The following SAMD12 variants were observed in gnomAD, a reference collection of about 807,000 sequenced individuals.
SAMD12 encodes sterile alpha motif domain containing 12, also known as sterile alpha motif domain-containing protein 12.
SAMD12 carries 9 observed loss-of-function variants against 15.0 expected under a neutral mutation model. The observed-to-expected ratio is 0.60, with a 90% CI of 0.36 to 1.05. The LOEUF (loss-of-function observed/expected upper bound fraction) is 1.05, where lower values mean the gene tolerates loss of function less well. SAMD12 is among the 50% of genes least tolerant of loss of function. The pLI is 0.01. For synonymous variants in SAMD12, 86 were observed against 90.1 expected (o/e 0.96, Z 0.25); for missense variants, 230 against 234.2 (o/e 0.98, Z 0.12).
At chr8:118,327,261 C>A (rs1033899942) in intron 4 of SAMD12, among the ~76,000 whole-genome samples, 3 of 152,226 alleles carry the variant, frequency 2.0e-5, no homozygotes, top group African/African-American at 7.2e-5. Context: ...CTCCTGGCTT[C>A]TTTCTTGCTT....
chr8:118,166,162 G>A, the SAMD12 span, among the ~76,000 whole-genome samples: 2 of 152,142 alleles, frequency 1.3e-5, no homozygotes, highest in African/African-American at 2.4e-5. Flanking sequence ...GACTATTGCT[G>A]TAGCTTCACT....
chr8:118,592,371 G>A (rs1354904598), intron 1 of SAMD12, among the ~76,000 whole-genome samples: 1 of 152,080 alleles, frequency 6.6e-6, no homozygotes, highest in Non-Finnish European at 1.5e-5. Flanking sequence ...GTTACTCTGG[G>A]GAATAAGATT....
rs542185571 is a variant in SAMD12 at position 118,584,300 on chromosome 8, T to C, written c.14-3407A>G. ...CCTGAAATTTCATGTCCCTAATATT[T>C]ACAAATCAAACAACTCTCCAATGGC... On this transcript the variant is annotated intron_variant, in intron 1 of 3. Coordinates refer to ENST00000314727, the MANE Select transcript of SAMD12 (RefSeq NM_207506.3). Among the ~76,000 whole-genome samples, 44 of 152,314 alleles carry C rather than the reference T, an allele frequency of 2.9e-4. No homozygotes were observed. In the South Asian group the frequency reaches 7.9e-3, roughly 27 times the overall value.
chr8:118,426,556 G>T (rs980419003), intron 3 of SAMD12, among the ~76,000 whole-genome samples: 2 of 152,290 alleles, frequency 1.3e-5, no homozygotes, highest in African/African-American at 4.8e-5. Context: ...CTAAAGCAAG[G>T]CTGCTCCCAT....
intron 4 of SAMD12, among the ~76,000 whole-genome samples, chr8:118,339,716 G>A (rs567826669): frequency 2.0e-5 from 3 of 152,306 alleles, no homozygotes; most frequent in East Asian, 1.9e-4. Context: ...CTGCAGCTGC[G>A]ATGGGTCAGT....
intron 2 of SAMD12, among the ~76,000 whole-genome samples, chr8:118,486,358 G>C (rs2131002976): frequency 6.6e-6 from 1 of 152,072 alleles, no homozygotes; most frequent in East Asian, 1.9e-4. Context: ...AGAGCTTGCA[G>C]TGAGCCGAGA....
intron 1 of SAMD12, among the ~76,000 whole-genome samples, chr8:118,581,304 T>C (rs1008644161): frequency 3.3e-5 from 5 of 152,214 alleles, no homozygotes; most frequent in African/African-American, 1.2e-4. Context: ...ACCTTCTTTA[T>C]TATTTAGGCA....
At chr8:118,537,644 C>A (rs1312174087) in intron 2 of SAMD12, among the ~76,000 whole-genome samples, 1 of 152,228 alleles carries the variant, frequency 6.6e-6, no homozygotes, top group South Asian at 2.1e-4. Context: ...TTATTTCAAT[C>A]TCTTTATTAA....
intron 2 of SAMD12, among the ~76,000 whole-genome samples, chr8:118,497,782 C>CT (rs35666551): frequency 3.4e-5 from 5 of 148,246 alleles, no homozygotes; most frequent in Non-Finnish European, 5.9e-5. Flanking sequence ...CATTTATTTA[C>CT]TTTTTTTAAA....
chr8:118,322,418 G>T (rs906820619), intron 4 of SAMD12, among the ~76,000 whole-genome samples: 9 of 152,218 alleles, frequency 5.9e-5, no homozygotes, highest in Admixed American at 1.3e-4. Context: ...TTATAAGGGA[G>T]ATCCCTGGCT....
intron 4 of SAMD12, among the ~76,000 whole-genome samples, chr8:118,249,616 A>G (rs1343558294): frequency 6.6e-6 from 1 of 152,134 alleles, no homozygotes; most frequent in East Asian, 1.9e-4. Context: ...ACCCTATACA[A>G]TAGTATCTTC....
intron 3 of SAMD12, among the ~76,000 whole-genome samples, chr8:118,398,574 G>T (rs1357620763): frequency 2.0e-5 from 3 of 152,124 alleles, no homozygotes; most frequent in African/African-American, 7.2e-5. Flanking sequence ...GAAAGAAAGA[G>T]AATCTTTCCT....
At chr8:118,309,380 A>G (rs866720361) in intron 4 of SAMD12, among the ~76,000 whole-genome samples, 330 of 143,970 alleles carry the variant, frequency 2.3e-3, no homozygotes, top group African/African-American at 4.1e-3. Context: ...TGAGATATAT[A>G]TGTGTGTGTG....
chr8:118,196,502 A>T (rs915149245), exon 5 of SAMD12: 5 of 144,088 alleles, frequency 3.5e-5, no homozygotes, highest in African/African-American at 1.3e-4. Flanking sequence ...AGACATAGTT[A>T]AAAAAAAAAA....
At chr8:118,305,445 ATAG>A (rs1815290753) in intron 4 of SAMD12, among the ~76,000 whole-genome samples, 1 of 152,154 alleles carries the variant, frequency 6.6e-6, no homozygotes, top group African/African-American at 2.4e-5. Flanking sequence ...TCTCTCTGTT[ATAG>A]CATGAATCAG....
chr8:118,415,448 G>GGTGTGTGTGTGT (rs58176749), intron 3 of SAMD12, among the ~76,000 whole-genome samples: 1,525 of 142,918 alleles, frequency 0.011, 32 homozygotes, highest in East Asian at 0.038. Context: ...CTTGTCCTAA[G>GGTGTGTGTGTGT]GTGTGTGTGT....
chr8:118,239,986 T>C (rs916458549), intron 4 of SAMD12: 1 of 152,164 alleles, frequency 6.6e-6, no homozygotes, highest in Non-Finnish European at 1.5e-5. Flanking sequence ...CTAGGCAAGA[T>C]GGCAATAAAT....
intron 1 of SAMD12, chr8:118,621,468 C>A: frequency 5.2e-6 from 2 of 382,602 alleles, no homozygotes; most frequent in South Asian, 8.3e-5. Context: ...AGGGAGGGGG[C>A]AGGGAAAAAG....
intron 4 of SAMD12, among the ~76,000 whole-genome samples, chr8:118,250,396 A>C (rs563061846): frequency 6.6e-6 from 1 of 152,156 alleles, no homozygotes; most frequent in Non-Finnish European, 1.5e-5. Context: ...AGTATTTGGC[A>C]TGCAGCATGG....
Sources: gnomAD v4.1 joint callset for allele counts (sites outside exome capture counted in the v4.1 genomes callset) on GRCh38, gnomAD v4.1.1 for gene constraint, MANE v1.5 for transcripts, NCBI Gene and HGNC (gene_info 2026-07-23, HGNC 2026-07-21) for gene names.